Variants in MAGI1 observed in about 807,000 individuals in gnomAD.
MAGI1 encodes membrane associated guanylate kinase, WW and PDZ domain containing 1.
MAGI1 carries 58 observed loss-of-function variants against 139.9 expected under a neutral mutation model. That is an observed-to-expected ratio of 0.41 (90% CI 0.34 to 0.52). MAGI1 has a LOEUF of 0.52. Among genes scored for constraint, MAGI1 ranks in the 20% least tolerant of loss-of-function variants. MAGI1 has a pLI of 0.12. For synonymous variants in MAGI1, 812 were observed against 737.9 expected (o/e 1.10, Z -1.63); for missense variants, 1,874 against 1,901.6 (o/e 0.99, Z 0.27).
intron 1 of MAGI1, among the ~76,000 whole-genome samples, chr3:65,733,026 G>GT (rs2034342958): frequency 1.3e-5 from 2 of 152,044 alleles, no homozygotes; most frequent in East Asian, 1.9e-4. Context: ...AAGATCACTT[G>GT]TTTTTTCTGT....
At chr3:65,935,987 T>G (rs1208642517) in intron 1 of MAGI1, among the ~76,000 whole-genome samples, 1 of 152,172 alleles carries the variant, frequency 6.6e-6, no homozygotes, top group Non-Finnish European at 1.5e-5. Flanking sequence ...CTAAGAACTA[T>G]CTGGCCAACT....
intron 5 of MAGI1, among the ~76,000 whole-genome samples, chr3:65,456,217 C>A (rs1246685391): frequency 6.6e-6 from 1 of 152,196 alleles, no homozygotes; most frequent in Non-Finnish European, 1.5e-5. Flanking sequence ...CAAATGACAT[C>A]TCATTGTGGT....
At chr3:65,911,437 C>T (rs918807798) in intron 1 of MAGI1, among the ~76,000 whole-genome samples, 8 of 152,070 alleles carry the variant, frequency 5.3e-5, no homozygotes, top group African/African-American at 1.9e-4. Flanking sequence ...CCTTTCTGAT[C>T]CCATTTTTCA....
At chr3:66,032,960 T>C (rs752353128) in intron 1 of MAGI1, among the ~76,000 whole-genome samples, 1 of 142,830 alleles carries the variant, frequency 7.0e-6, no homozygotes, top group Admixed American at 7.1e-5. Flanking sequence ...CAGAAGATAA[T>C]ACGAGATTGT....
rs776259426 is a variant in MAGI1 at position 65,621,996 on chromosome 3, T to G, written c.406A>C (p.Asn136His). The G allele has an allele frequency of 1.1e-5, 18 of 1,613,280 alleles. No homozygotes were observed. Among genetic ancestry groups the G allele is most frequent in the Non-Finnish European group, 1.4e-5 (17 of 1,179,510 alleles). The change falls in exon 2 of 23, where the codon AAC becomes CAC. Residue 136 changes from asparagine to histidine, a missense_variant. By Grantham distance (68) the Asn-to-His change is moderately conservative (BLOSUM62 1). This residue lies in a region of MAGI1 where 648 missense variants were observed against 598.1 expected (regional missense o/e 1.08). Transcript: ENST00000402939. ...CAAGGCACAGCATGGCGGTAAAGGTTATCCCTTATGGTCTGCTGGAGCTCA... is the reference window on the plus strand; with the variant it reads ...CAAGGCACAGCATGGCGGTAAAGGTGATCCCTTATGGTCTGCTGGAGCTCA... ...DHELQQTIRD[N>H]LYRHAVPCTT...
chr3:65,804,498 A>G (rs780451839), intron 1 of MAGI1, among the ~76,000 whole-genome samples: 3 of 151,994 alleles, frequency 2.0e-5, no homozygotes, highest in Non-Finnish European at 4.4e-5. Flanking sequence ...TATTATATTA[A>G]TACATGTTAT....
chr3:65,870,625 G>A (rs1264523236), intron 1 of MAGI1, among the ~76,000 whole-genome samples: 1 of 141,820 alleles, frequency 7.1e-6, no homozygotes, highest in Non-Finnish European at 1.5e-5. Flanking sequence ...GACAGAGAAA[G>A]ACAGGAGAGA....
intron 1 of MAGI1, among the ~76,000 whole-genome samples, chr3:65,775,478 T>C (rs2107968657): frequency 7.0e-6 from 1 of 143,576 alleles, no homozygotes; most frequent in African/African-American, 2.6e-5. Context: ...TTTAAGTGTT[T>C]TTTTCTCTTC....
chr3:65,708,933 A>G (rs997045446), intron 1 of MAGI1, among the ~76,000 whole-genome samples: 6 of 152,210 alleles, frequency 3.9e-5, no homozygotes, highest in Non-Finnish European at 7.3e-5. Flanking sequence ...TCTATCACCC[A>G]TCTCCCAATG....
intron 1 of MAGI1, among the ~76,000 whole-genome samples, chr3:66,006,634 C>A (rs2067028628): frequency 6.6e-6 from 1 of 152,068 alleles, no homozygotes; most frequent in Non-Finnish European, 1.5e-5. Flanking sequence ...GGTACCAGAA[C>A]TTTAAGGAGG....
At chr3:65,641,502 A>C (rs183039088) in intron 1 of MAGI1, among the ~76,000 whole-genome samples, 1 of 152,180 alleles carries the variant, frequency 6.6e-6, no homozygotes, top group Non-Finnish European at 1.5e-5. Flanking sequence ...CAGACTGTGA[A>C]TTCACGGTAG....
At chr3:65,737,195 G>A (rs2034833737) in intron 1 of MAGI1, among the ~76,000 whole-genome samples, 1 of 152,092 alleles carries the variant, frequency 6.6e-6, no homozygotes, top group Non-Finnish European at 1.5e-5. Context: ...AGTAGAGACG[G>A]GGTTTCACCG....
chr3:65,769,155 T>G (rs1382985658), intron 1 of MAGI1, among the ~76,000 whole-genome samples: 1 of 152,238 alleles, frequency 6.6e-6, no homozygotes, highest in African/African-American at 2.4e-5. Context: ...CTTTAAAAGT[T>G]GTCGATCTGT....
chr3:65,554,310 C>T (rs965137390), intron 2 of MAGI1, among the ~76,000 whole-genome samples: 3 of 152,064 alleles, frequency 2.0e-5, no homozygotes, highest in African/African-American at 7.2e-5. Context: ...GATTCTATAT[C>T]CCTAGACTAG....
intron 1 of MAGI1, among the ~76,000 whole-genome samples, chr3:65,717,064 T>C (rs1198545324): frequency 6.6e-6 from 1 of 152,148 alleles, no homozygotes; most frequent in Non-Finnish European, 1.5e-5. Context: ...GGAGAGACAA[T>C]CCTGGATTAT....
At chr3:65,484,616 C>T (rs1951510310) in intron 3 of MAGI1, among the ~76,000 whole-genome samples, 2 of 152,128 alleles carry the variant, frequency 1.3e-5, no homozygotes, top group Admixed American at 1.3e-4. Context: ...GCCCACTCTC[C>T]AAGCACTTGT....
intron 1 of MAGI1, among the ~76,000 whole-genome samples, chr3:65,923,186 G>A (rs264687): frequency 0.76 from 113,889 of 150,842 alleles, 44,234 homozygotes; most frequent in East Asian, 0.98. Context: ...CCATCCACCC[G>A]TCCATGCATG....
chr3:65,387,436 T>C (rs940037236), intron 14 of MAGI1, among the ~76,000 whole-genome samples: 38 of 151,858 alleles, frequency 2.5e-4, no homozygotes, highest in Non-Finnish European at 3.5e-4. Context: ...GAATTTACAA[T>C]TGCACCACTG....
At chr3:66,037,521 G>A (rs1032647090) in intron 1 of MAGI1, among the ~76,000 whole-genome samples, 2 of 152,100 alleles carry the variant, frequency 1.3e-5, no homozygotes, top group Non-Finnish European at 2.9e-5. Flanking sequence ...GAGGGGTCGC[G>A]GGGTGAAGCA....
Sources: allele counts gnomAD v4.1 joint callset (sites outside exome capture counted in the v4.1 genomes callset), GRCh38; gene constraint gnomAD v4.1.1; regional missense constraint gnomAD v4.1.1; transcripts MANE v1.5; gene names NCBI Gene and HGNC (gene_info 2026-07-23, HGNC 2026-07-21).